Variants in LUZP2 observed in about 807,000 individuals in gnomAD.
LUZP2 encodes leucine zipper protein 2.
LUZP2 carries 52 observed loss-of-function variants against 51.6 expected under a neutral mutation model. That is an observed-to-expected ratio of 1.01 (90% CI 0.81 to 1.27). The LOEUF (loss-of-function observed/expected upper bound fraction) is 1.27, where lower values mean the gene tolerates loss of function less well. LUZP2 is among the 50% of genes most tolerant of loss of function. The probability of loss-of-function intolerance (pLI) is 0.00; values close to 1 mark genes in which losing one functional copy is unlikely to be tolerated. For synonymous variants in LUZP2, 154 were observed against 137.3 expected (o/e 1.12, Z -0.85); for missense variants, 436 against 395.4 (o/e 1.10, Z -0.87).
chr11:24,898,775 G>A (rs11028263), intron 5 of LUZP2, among the ~76,000 whole-genome samples: 299 of 152,114 alleles, frequency 2.0e-3, no homozygotes, highest in Non-Finnish European at 3.3e-3. Context: ...TTATTTGCTA[G>A]CGTTTTTGGG....
chr11:24,886,930 G>C (rs1036886394), intron 5 of LUZP2, among the ~76,000 whole-genome samples: 1 of 152,114 alleles, frequency 6.6e-6, no homozygotes, highest in Non-Finnish European at 1.5e-5. Flanking sequence ...GAAAATGAAG[G>C]GGTGCTGAAC....
chr11:24,586,156 T>C (rs1169296214), intron 1 of LUZP2, among the ~76,000 whole-genome samples: 1 of 152,038 alleles, frequency 6.6e-6, no homozygotes, highest in Non-Finnish European at 1.5e-5. Flanking sequence ...AGCAGTTCTC[T>C]GTACTTTAAA....
intron 5 of LUZP2, among the ~76,000 whole-genome samples, chr11:24,821,293 C>T (rs970706726): frequency 1.3e-5 from 2 of 152,014 alleles, no homozygotes; most frequent in Non-Finnish European, 1.5e-5. Flanking sequence ...AAAGTAGTGC[C>T]TAGAACACAG....
chr11:24,653,599 A>G (rs1402470419), intron 1 of LUZP2, among the ~76,000 whole-genome samples: 1 of 152,124 alleles, frequency 6.6e-6, no homozygotes, highest in African/African-American at 2.4e-5. Context: ...AGATTAGTTG[A>G]GATAGTCTAG....
chr11:24,719,115 T>C (rs375859447), intron 1 of LUZP2, among the ~76,000 whole-genome samples: 1 of 152,214 alleles, frequency 6.6e-6, no homozygotes, highest in Non-Finnish European at 1.5e-5. Context: ...TACTGATATT[T>C]TGAACTGTAA....
chr11:24,563,147 G>A (rs565422336), intron 1 of LUZP2, among the ~76,000 whole-genome samples: 2 of 152,112 alleles, frequency 1.3e-5, no homozygotes, highest in African/African-American at 2.4e-5. Flanking sequence ...CAAGGCATTC[G>A]GAAGCTACGA....
chr11:24,961,550 T>A (rs1855406594), intron 7 of LUZP2, among the ~76,000 whole-genome samples: 1 of 152,072 alleles, frequency 6.6e-6, no homozygotes, highest in Non-Finnish European at 1.5e-5. Context: ...GTCTGTTTTA[T>A]CAGAGACTAG....
At chr11:24,707,588 T>C (rs1173737063) in intron 1 of LUZP2, among the ~76,000 whole-genome samples, 1 of 151,872 alleles carries the variant, frequency 6.6e-6, no homozygotes, top group Non-Finnish European at 1.5e-5. Context: ...AATCCAGTGG[T>C]GTAATTTAGT....
At chr11:24,517,354 C>T (rs574247195) in intron 1 of LUZP2, among the ~76,000 whole-genome samples, 35 of 151,254 alleles carry the variant, frequency 2.3e-4, no homozygotes, top group Admixed American at 4.6e-4. Flanking sequence ...GGCGTGGTGG[C>T]GGGTTCCTGT....
intron 7 of LUZP2, among the ~76,000 whole-genome samples, chr11:24,942,475 T>C (rs1249310944): frequency 2.0e-5 from 3 of 152,208 alleles, no homozygotes; most frequent in Non-Finnish European, 4.4e-5. Context: ...ACTTTTCATG[T>C]GCCTAGTTTT....
intron 10 of LUZP2, among the ~76,000 whole-genome samples, chr11:25,067,707 A>G (rs114141383): frequency 0.011 from 1,558 of 137,708 alleles, 24 homozygotes; most frequent in African/African-American, 0.038. Flanking sequence ...GAAATAGGAA[A>G]AGTTTTACAC....
At chr11:24,678,082 G>GT (rs1856625752) in intron 1 of LUZP2, among the ~76,000 whole-genome samples, 1 of 138,370 alleles carries the variant, frequency 7.2e-6, no homozygotes, top group African/African-American at 2.6e-5. Context: ...GAAAGGGGGG[G>GT]GGGGGTGATT....
At chr11:24,540,487 A>C (rs1422947461) in intron 1 of LUZP2, among the ~76,000 whole-genome samples, 2 of 152,096 alleles carry the variant, frequency 1.3e-5, no homozygotes, top group African/African-American at 4.8e-5. Context: ...ACCAAGACTA[A>C]GACACCTACA....
At chr11:24,861,622 T>C (rs1851744124) in intron 5 of LUZP2, among the ~76,000 whole-genome samples, 1 of 152,146 alleles carries the variant, frequency 6.6e-6, no homozygotes, top group South Asian at 2.1e-4. Context: ...GTATGCAGTG[T>C]AAGAGCAGCT....
At chr11:24,553,077 G>A (rs1043210331) in intron 1 of LUZP2, among the ~76,000 whole-genome samples, 7 of 151,374 alleles carry the variant, frequency 4.6e-5, no homozygotes, top group African/African-American at 1.2e-4. Flanking sequence ...TAACTGTTAC[G>A]TTATTTTTGC....
intron 5 of LUZP2, among the ~76,000 whole-genome samples, chr11:24,900,843 G>C (rs1218708392): frequency 6.6e-6 from 1 of 152,108 alleles, no homozygotes; most frequent in Non-Finnish European, 1.5e-5. Flanking sequence ...CTGGTTAAGG[G>C]GCTGCCTGAT....
At chr11:24,777,033 C>T (rs1325304265) in intron 5 of LUZP2, among the ~76,000 whole-genome samples, 13 of 147,850 alleles carry the variant, frequency 8.8e-5, no homozygotes, top group Non-Finnish European at 1.9e-4. Flanking sequence ...TTTGCTCCGT[C>T]GCCCAGGCTG....
intron 5 of LUZP2, among the ~76,000 whole-genome samples, chr11:24,779,385 T>C (rs1439071118): frequency 3.9e-5 from 6 of 152,192 alleles, no homozygotes; most frequent in African/African-American, 1.2e-4. Flanking sequence ...TCTGTGTATC[T>C]ATACCAGCTT....
chr11:24,502,133 G>A (rs1360771921), intron 1 of LUZP2, among the ~76,000 whole-genome samples: 1 of 139,772 alleles, frequency 7.2e-6, no homozygotes, highest in African/African-American at 3.1e-5. Context: ...TATTCCCTAA[G>A]TACTCAACAA....
Sources: allele counts gnomAD v4.1 joint callset (sites outside exome capture counted in the v4.1 genomes callset), GRCh38; gene constraint gnomAD v4.1.1; transcripts MANE v1.5; gene names NCBI Gene and HGNC (gene_info 2026-07-23, HGNC 2026-07-21).